BBS9: variants seen among roughly 807,000 people sequenced by gnomAD.
BBS9 encodes the protein protein PTHB1.
In BBS9, 89 loss-of-function variants were observed where a neutral mutation model predicts 117.7. The observed-to-expected ratio is 0.76, with a 90% CI of 0.64 to 0.90. The LOEUF (loss-of-function observed/expected upper bound fraction) is 0.90, where lower values mean the gene tolerates loss of function less well. BBS9 is among the 40% of genes least tolerant of loss of function. The probability of loss-of-function intolerance (pLI) is 0.00; values close to 1 mark genes in which losing one functional copy is unlikely to be tolerated. For synonymous variants in BBS9, 379 were observed against 370.9 expected, an observed-to-expected ratio of 1.02 and a Z score of -0.25; for missense variants, 982 against 1,042.2, an observed-to-expected ratio of 0.94 and a Z score of 0.80.
chr7:33,611,839 A>G (rs899799165), intron 21 of BBS9, among the ~76,000 whole-genome samples: 77 of 141,866 alleles, frequency 5.4e-4, no homozygotes, highest in African/African-American at 1.9e-3. Flanking sequence ...ATTATATAAT[A>G]TTATTATATA....
Position 33,341,111 on chromosome 7 carries a change from T to G in BBS9, c.1275+138T>G. ...GATAACAAATTGTAGGCCTTGTTAT[T>G]TTCTAGATAAAAACATTAGTAGCCC... On this transcript the variant is annotated intron_variant, in intron 11 of 22. Transcript: ENST00000242067. The G allele has an allele frequency of 6.9e-6, 5 of 722,678 alleles. No individual in the cohort carries two copies. The South Asian group carries it at 8.1e-5, about 12-fold the overall frequency. The allele number at this position is 722,678 out of a possible 1,614,324, so 44.8% of individuals were successfully genotyped here. A position where few individuals can be genotyped will look rare whatever the true frequency, so the allele number is the denominator to read the frequency against.
intron 20 of BBS9, among the ~76,000 whole-genome samples, chr7:33,518,418 T>C (rs950929704): frequency 2.0e-5 from 3 of 151,954 alleles, no homozygotes; most frequent in Admixed American, 2.0e-4. Context: ...GCCCAGCTAA[T>C]TTTTGTACTT....
intron 19 of BBS9, among the ~76,000 whole-genome samples, chr7:33,396,397 AT>A (rs1827975096): frequency 6.6e-6 from 1 of 152,206 alleles, no homozygotes; most frequent in African/African-American, 2.4e-5. Context: ...AGATTATGAA[AT>A]AGTATATAAT....
intron 19 of BBS9, among the ~76,000 whole-genome samples, chr7:33,434,953 C>CTTCAT (rs1381116290): frequency 6.6e-6 from 1 of 152,090 alleles, no homozygotes; most frequent in Non-Finnish European, 1.5e-5. Flanking sequence ...GACTCCATTA[C>CTTCAT]TTCATTTTAG....
At chr7:33,540,054 A>G (rs532031968) in intron 21 of BBS9, among the ~76,000 whole-genome samples, 24 of 152,278 alleles carry the variant, frequency 1.6e-4, no homozygotes, top group African/African-American at 5.8e-4. Flanking sequence ...AGCAACTGGG[A>G]TAATTAAAAC....
chr7:33,463,295 G>A (rs1304813788), intron 19 of BBS9, among the ~76,000 whole-genome samples: 5 of 152,048 alleles, frequency 3.3e-5, no homozygotes, highest in Admixed American at 3.3e-4. Context: ...GTAACCAATT[G>A]TGCTGGCATT....
chr7:33,379,375 T>C (rs1386633289), intron 17 of BBS9, among the ~76,000 whole-genome samples: 2 of 152,230 alleles, frequency 1.3e-5, no homozygotes, highest in Non-Finnish European at 2.9e-5. Context: ...AAATTTATAG[T>C]TGAATGGAAT....
chr7:33,221,960 A>G (rs542702477), intron 5 of BBS9, among the ~76,000 whole-genome samples: 1 of 152,338 alleles, frequency 6.6e-6, no homozygotes, highest in Admixed American at 6.5e-5. Flanking sequence ...AAGACCAAAT[A>G]CAGTATAAGA....
At chr7:33,502,953 G>A (rs1845649287) in intron 19 of BBS9, among the ~76,000 whole-genome samples, 1 of 152,080 alleles carries the variant, frequency 6.6e-6, no homozygotes, top group Non-Finnish European at 1.5e-5. Context: ...CTTTTCTTCA[G>A]TACTCTCTCT....
intron 9 of BBS9, among the ~76,000 whole-genome samples, chr7:33,334,917 A>G (rs17170193): frequency 0.011 from 1,629 of 152,254 alleles, 32 homozygotes; most frequent in African/African-American, 0.037. Context: ...ACAGGGTTGC[A>G]TGTCACTGAC....
At chr7:33,490,393 T>G (rs2128992852) in intron 19 of BBS9, among the ~76,000 whole-genome samples, 1 of 152,328 alleles carries the variant, frequency 6.6e-6, no homozygotes. Context: ...ACAGAGAAGC[T>G]TTACATGAGA....
chr7:33,357,888 T>A lies in BBS9; in HGVS notation c.1586T>A (p.Leu529His), dbSNP rs762915979. 2.0e-5 allele frequency: 32 copies of A among 1,611,802 alleles called. No homozygotes were observed. Among genetic ancestry groups the A allele is most frequent in the Non-Finnish European group, 2.5e-5 (30 of 1,178,240 alleles). The change falls in exon 16 of 23, where the codon CTT becomes CAT. Residue 529 changes from leucine to histidine, a missense_variant. Coordinates refer to ENST00000242067, the MANE Select transcript of BBS9 (RefSeq NM_198428.3). ...CGAGTTATCCAATGTAAATTTAGAC[T>A]TCCCCTAAAGTTAATTTGCCTACCA... is the stretch of plus-strand genomic sequence containing the variant. ...IPRVIQCKFR[L>H]PLKLICLPGQ...
intron 9 of BBS9, among the ~76,000 whole-genome samples, chr7:33,323,421 G>A (rs961149606): frequency 1.3e-5 from 2 of 151,852 alleles, no homozygotes; most frequent in Non-Finnish European, 1.5e-5. Flanking sequence ...CTACAGTATT[G>A]GGTGCATATA....
intron 19 of BBS9, among the ~76,000 whole-genome samples, chr7:33,431,975 C>G (rs1262401704): frequency 6.6e-6 from 1 of 151,978 alleles, no homozygotes; most frequent in African/African-American, 2.4e-5. Flanking sequence ...TTGAAAAGTC[C>G]CTTATATTTG....
Position 33,383,740 on chromosome 7 carries a change from G to C in BBS9, c.1864G>C (p.Glu622Gln), listed in dbSNP as rs1825507010. The C allele has an allele frequency of 6.2e-7, 1 of 1,612,588 alleles. No individual in the cohort carries two copies. Among genetic ancestry groups the C allele is most frequent in the Non-Finnish European group, 8.5e-7 (1 of 1,179,412 alleles). Residue 622 changes from glutamate (E) to glutamine (Q), a missense_variant, in exon 18 of 23, where the codon GAA becomes CAA. Transcript: ENST00000242067. ...CAATGAGCTTATTCTTCGCCTTCAA[G>C]AATATTTTGAAAAACAGGGAGTCAA... Reference protein sequence around the residue: ...ITNELILRLQEYFEKQGVKDF... With the variant: ...ITNELILRLQQYFEKQGVKDF...
At chr7:33,235,365 G>A (rs1793281864) in intron 5 of BBS9, among the ~76,000 whole-genome samples, 1 of 152,012 alleles carries the variant, frequency 6.6e-6, no homozygotes, top group African/African-American at 2.4e-5. Flanking sequence ...ATTAAAACCA[G>A]AATCCAATGT....
chr7:33,309,269 T>C (rs1808672915), intron 9 of BBS9, among the ~76,000 whole-genome samples: 1 of 152,146 alleles, frequency 6.6e-6, no homozygotes, highest in Non-Finnish European at 1.5e-5. Flanking sequence ...TAGACTAAGG[T>C]AGTGGTGAAT....
chr7:33,470,186 C>T (rs991606407), intron 19 of BBS9, among the ~76,000 whole-genome samples: 1 of 152,004 alleles, frequency 6.6e-6, no homozygotes, highest in African/African-American at 2.4e-5. Flanking sequence ...TACTACTTTG[C>T]CTTTTCATAA....
chr7:33,565,831 C>CCA lies in BBS9; in HGVS notation c.2521+31655_2521+31656insCA, dbSNP rs1563370308. 4.6e-4 allele frequency among the ~76,000 whole-genome samples: 13 copies of CCA among 28,438 alleles called. No individual in the cohort carries two copies. The African/African-American group carries it at 6.4e-3, about 14-fold the overall frequency. 18.7% of individuals were successfully genotyped at this position (28,438 alleles called of 152,430 possible). On this transcript the variant is annotated intron_variant, in intron 21 of 22. Transcript: ENST00000242067. ...TATATATATATATATATATATACCG[C>CCA]TATATATACTGCTTATATATATATA...
Sources: allele counts gnomAD v4.1 joint callset (sites outside exome capture counted in the v4.1 genomes callset), GRCh38; gene constraint gnomAD v4.1.1; transcripts MANE v1.5; gene names NCBI Gene and HGNC (gene_info 2026-07-23, HGNC 2026-07-21).